Variants in SLC14A2 observed in about 807,000 individuals in gnomAD.
SLC14A2 encodes urea transporter 2.
In SLC14A2, 91 loss-of-function variants were observed where a neutral mutation model predicts 104.6. The ratio of observed to expected loss-of-function variants is 0.87; its 90% CI spans 0.73 to 1.04. SLC14A2 has a LOEUF of 1.04. SLC14A2 is among the 50% of genes least tolerant of loss of function. The pLI is 0.00. For missense variants in SLC14A2, 1,189 were observed against 1,156.0 expected (o/e 1.03, Z -0.41); for synonymous variants, 476 against 466.4 (o/e 1.02, Z -0.27).
chr18:45,555,797 T>G (rs1371757278), intron 2 of SLC14A2, among the ~76,000 whole-genome samples: 1 of 152,144 alleles, frequency 6.6e-6, no homozygotes, highest in Non-Finnish European at 1.5e-5. Context: ...CTGGGTAACA[T>G]TAAAGAAACA....
At chr18:45,464,528 A>G (rs1433098682) in intron 1 of SLC14A2, among the ~76,000 whole-genome samples, 2 of 152,208 alleles carry the variant, frequency 1.3e-5, no homozygotes, top group East Asian at 3.8e-4. Flanking sequence ...TTTGAAAAAA[A>G]GAAGCAAAGA....
intron 2 of SLC14A2, among the ~76,000 whole-genome samples, chr18:45,520,601 T>C (rs2043504086): frequency 6.6e-6 from 1 of 152,192 alleles, no homozygotes; most frequent in East Asian, 1.9e-4. Context: ...TAGATCTTTA[T>C]AGAGAAGTGT....
intron 2 of SLC14A2, among the ~76,000 whole-genome samples, chr18:45,601,641 A>G (rs979618460): frequency 6.6e-6 from 1 of 152,234 alleles, no homozygotes; most frequent in African/African-American, 2.4e-5. Flanking sequence ...TTCATGACCC[A>G]GAAGGAATCT....
At chr18:45,477,376 CA>C (rs1342126765) in intron 1 of SLC14A2, among the ~76,000 whole-genome samples, 3 of 152,146 alleles carry the variant, frequency 2.0e-5, no homozygotes, top group Non-Finnish European at 4.4e-5. Context: ...GGGGGGTACC[CA>C]CAAGATGCCA....
chr18:45,503,618 C>T (rs939651250), intron 2 of SLC14A2, among the ~76,000 whole-genome samples: 1 of 152,160 alleles, frequency 6.6e-6, no homozygotes, highest in Non-Finnish European at 1.5e-5. Context: ...ACTTTTTCAC[C>T]TTATGCAAAG....
At chr18:45,417,066 C>G (rs914471246) in intron 1 of SLC14A2, among the ~76,000 whole-genome samples, 2 of 152,136 alleles carry the variant, frequency 1.3e-5, no homozygotes, top group Admixed American at 6.5e-5. Context: ...ACAGCTGGCT[C>G]TCTATCATAG....
intron 3 of SLC14A2, among the ~76,000 whole-genome samples, chr18:45,626,694 C>T (rs1388597855): frequency 1.3e-5 from 2 of 151,634 alleles, no homozygotes; most frequent in Non-Finnish European, 2.9e-5. Context: ...GCTGGAACAG[C>T]GTTAAATTGT....
intron 1 of SLC14A2, among the ~76,000 whole-genome samples, chr18:45,332,089 C>T (rs2085296334): frequency 1.3e-5 from 2 of 152,174 alleles, no homozygotes; most frequent in East Asian, 3.9e-4. Context: ...TCTTCTAAAA[C>T]TTCTCTGAAG....
intron 1 of SLC14A2, among the ~76,000 whole-genome samples, chr18:45,338,389 G>C (rs1042199146): frequency 6.6e-6 from 1 of 151,876 alleles, no homozygotes; most frequent in African/African-American, 2.4e-5. Flanking sequence ...TTTTAGTAGA[G>C]ACAGGGTTTC....
chr18:45,602,325 G>A (rs1411969459), intron 2 of SLC14A2, among the ~76,000 whole-genome samples: 1 of 152,224 alleles, frequency 6.6e-6, no homozygotes, highest in Non-Finnish European at 1.5e-5. Flanking sequence ...TCCTTATGGA[G>A]ATTGGATATC....
intron 1 of SLC14A2, among the ~76,000 whole-genome samples, chr18:45,291,639 A>G (rs35828812): frequency 0.041 from 6,182 of 152,286 alleles, 168 homozygotes; most frequent in Middle Eastern, 0.11. Flanking sequence ...GTCACTCTTC[A>G]GGAGAAGAAT....
intron 1 of SLC14A2, among the ~76,000 whole-genome samples, chr18:45,264,659 G>A (rs1318046814): frequency 6.6e-6 from 1 of 152,128 alleles, no homozygotes; most frequent in Non-Finnish European, 1.5e-5. Flanking sequence ...ACAACCGGAA[G>A]GGGAAGCCCC....
At chr18:45,665,643 T>C (rs2046006470) in intron 11 of SLC14A2, among the ~76,000 whole-genome samples, 1 of 148,274 alleles carries the variant, frequency 6.7e-6, no homozygotes, top group Admixed American at 6.7e-5. Context: ...GGCAGCTTAA[T>C]ACTTTATGAA....
the SLC14A2 span, among the ~76,000 whole-genome samples, chr18:45,192,145 A>G: frequency 5.2e-4 from 79 of 152,274 alleles, 1 homozygote; most frequent in East Asian, 0.013. Context: ...TCCGGATTCT[A>G]AAATAGTGAA....
intron 2 of SLC14A2, among the ~76,000 whole-genome samples, chr18:45,594,378 C>G (rs972204931): frequency 3.3e-5 from 5 of 152,192 alleles, no homozygotes; most frequent in Admixed American, 1.3e-4. Flanking sequence ...CTGGGGAAAG[C>G]AGAATTTGAA....
intron 1 of SLC14A2, among the ~76,000 whole-genome samples, chr18:45,218,894 T>G (rs537538121): frequency 1.4e-5 from 2 of 144,330 alleles, no homozygotes; most frequent in South Asian, 4.3e-4. Context: ...GTCTTGCTGC[T>G]TTAAAAAAAA....
intron 1 of SLC14A2, among the ~76,000 whole-genome samples, chr18:45,466,375 C>T (rs763176415): frequency 6.6e-6 from 1 of 151,416 alleles, no homozygotes; most frequent in African/African-American, 2.4e-5. Context: ...GAAGGGAGGG[C>T]ATGTGCATCA....
chr18:45,554,250 C>T (rs2044097434), intron 2 of SLC14A2, among the ~76,000 whole-genome samples: 1 of 152,148 alleles, frequency 6.6e-6, no homozygotes, highest in African/African-American at 2.4e-5. Flanking sequence ...GTCAGCAATT[C>T]CATGGGGCAG....
intron 1 of SLC14A2, among the ~76,000 whole-genome samples, chr18:45,307,965 G>A (rs181161281): frequency 1.3e-5 from 2 of 152,296 alleles, no homozygotes; most frequent in African/African-American, 4.8e-5. Flanking sequence ...AATCACGGCT[G>A]AAGGTGAAGA....
Sources: gnomAD v4.1 joint callset for allele counts (sites outside exome capture counted in the v4.1 genomes callset) on GRCh38, gnomAD v4.1.1 for gene constraint, MANE v1.5 for transcripts, NCBI Gene and HGNC (gene_info 2026-07-23, HGNC 2026-07-21) for gene names.